The following PARVB variants were observed in gnomAD, a reference collection of about 807,000 sequenced individuals.
The protein encoded by PARVB is parvin beta.
PARVB carries 46 observed loss-of-function variants against 47.0 expected under a neutral mutation model. That is an observed-to-expected ratio of 0.98 (90% CI 0.77 to 1.25). The LOEUF (loss-of-function observed/expected upper bound fraction) is 1.25, where lower values mean the gene tolerates loss of function less well. Ranked by LOEUF, PARVB falls within the 50% of genes most tolerant of loss-of-function variation. PARVB has a pLI of 0.00. For synonymous variants in PARVB, 196 were observed against 196.3 expected (o/e 1.00, Z 0.01); for missense variants, 473 against 471.6 (o/e 1.00, Z -0.03).
At position 44,100,964 on chromosome 22, in the gene PARVB, G is replaced by A. The variant is rs115920571; in HGVS notation, c.273+841G>A. 4.3e-3 allele frequency among the ~76,000 whole-genome samples: 652 copies of A among 152,280 alleles called. 6 individuals are homozygous for A. The highest frequency in any genetic ancestry group is 0.015 in the African/African-American group (626 of 41,544). On this transcript the variant is annotated intron_variant, in intron 3 of 12. Coordinates refer to ENST00000338758, the MANE Select transcript of PARVB (RefSeq NM_013327.5). Reference sequence around the variant, plus strand: ...GAAAATGCCGATGGTGACAGTGTCTGCCAGAAACAGACATTTTTCTATTAA... The same window carrying A: ...GAAAATGCCGATGGTGACAGTGTCTACCAGAAACAGACATTTTTCTATTAA...
intron 9 of PARVB, 65 bp downstream of exon 9, chr22:44,147,987 G>T: frequency 5.8e-6 from 7 of 1,216,782 alleles, no homozygotes; most frequent in Non-Finnish European, 8.5e-6. Context: ...CAGCACAAAC[G>T]CCCCGCTGGG....
chr22:44,135,761 G>T (rs1329100820), intron 6 of PARVB, among the ~76,000 whole-genome samples: 1 of 152,210 alleles, frequency 6.6e-6, no homozygotes, highest in African/African-American at 2.4e-5. Flanking sequence ...TCCTCTAGGG[G>T]AGGGGTCTTC....
chr22:44,085,788 C>T lies in PARVB; in HGVS notation c.113-8140C>T, dbSNP rs2052011203. On this transcript the variant is annotated intron_variant, in intron 1 of 12. Transcript: ENST00000338758. The stretch of plus-strand genomic sequence containing the variant: ...CTCCACGGTGCAAGGGCAGGGCCTG[C>T]CCAGCCCCATGCCCAGCCCTTTGGC... Among the ~76,000 whole-genome samples, 3 of 152,312 alleles carry T rather than the reference C, an allele frequency of 2.0e-5. No homozygotes were observed. The South Asian group carries it at 6.2e-4, about 32-fold the overall frequency.
intron 2 of PARVB, chr22:43,999,741 C>A: frequency 8.8e-7 from 1 of 1,138,350 alleles, no homozygotes; most frequent in Non-Finnish European, 1.3e-6. Flanking sequence ...TGCCTGTAAC[C>A]CTAGCACTTT....
chr22:44,051,183 G>A (rs1275654127), intron 1 of PARVB, among the ~76,000 whole-genome samples: 4 of 152,230 alleles, frequency 2.6e-5, no homozygotes, highest in Admixed American at 2.0e-4. Context: ...CGTGGAAAAG[G>A]TCTCATTTGA....
At chr22:44,018,504 A>G (rs556993430) in intron 2 of PARVB, among the ~76,000 whole-genome samples, 265 of 152,180 alleles carry the variant, frequency 1.7e-3, no homozygotes, top group South Asian at 7.7e-3. Context: ...ACCCTCTGAG[A>G]TCTTCCACCC....
Position 44,171,575 on chromosome 22 carries a change from C to G in PARVB, c.*2897C>G, listed in dbSNP as rs2054269739. On this transcript the variant is annotated 3_prime_UTR_variant, in exon 13 of 13. Transcript: ENST00000338758. ...CCAAAATGAGCAGCCCTGGCCCATT[C>G]TGTGTCATCAGAGGGGAGAGGACGG... 6.6e-6 allele frequency: 1 copy of G among 152,096 alleles called. No homozygotes were observed. 9.4% of individuals were successfully genotyped at this position (152,096 alleles called of 1,614,324 possible).
intron 1 of PARVB, among the ~76,000 whole-genome samples, chr22:44,035,473 C>G (rs564650223): frequency 2.7e-4 from 40 of 149,486 alleles, no homozygotes; most frequent in African/African-American, 9.9e-4. Flanking sequence ...TGGGTTCAAG[C>G]GATTCTCCTG....
intron 12 of PARVB, among the ~76,000 whole-genome samples, chr22:44,167,363 G>A (rs751704307): frequency 2.0e-4 from 31 of 152,172 alleles, no homozygotes; most frequent in Non-Finnish European, 4.1e-4. Context: ...TGGTTAGCAG[G>A]TCTGGCAGGG....
intron 9 of PARVB, 118 bp from the exon 10 acceptor site, chr22:44,151,365 A>G: frequency 2.7e-6 from 2 of 741,154 alleles, no homozygotes; most frequent in Non-Finnish European, 4.8e-6. Flanking sequence ...ATTTTAGCAA[A>G]CAGGAGATGA....
chr22:44,052,267 A>G (rs1222714855), intron 1 of PARVB, among the ~76,000 whole-genome samples: 1 of 152,148 alleles, frequency 6.6e-6, no homozygotes. Context: ...GTGCAACATG[A>G]GAGTCCGTCA....
Position 44,119,116 on chromosome 22 carries a change from G to T in PARVB, c.352G>T (p.Gly118Cys). The T allele has an allele frequency of 6.2e-7, 1 of 1,613,386 alleles. No homozygotes were observed. Among genetic ancestry groups the T allele is most frequent in the Non-Finnish European group, 8.5e-7 (1 of 1,179,358 alleles). Residue 118 changes from glycine to cysteine, a missense_variant, in exon 4 of 13, where the codon GGC becomes TGC. Coordinates refer to ENST00000338758, the MANE Select transcript of PARVB (RefSeq NM_013327.5). The part of the protein sequence containing the change: ...VKQLEEDLYD[G>C]QVLQKLLEKL... ...GCAGCTGGAGGAAGACCTGTATGAC[G>T]GCCAGGTGCTGCAGAAGCTCTTGGG... is the stretch of plus-strand genomic sequence containing the variant.
intron 1 of PARVB, among the ~76,000 whole-genome samples, chr22:44,086,482 G>T (rs2052027465): frequency 6.6e-6 from 1 of 152,258 alleles, no homozygotes; most frequent in Middle Eastern, 3.4e-3. Context: ...CCTGGGGAGG[G>T]CCAGGCCTCA....
At chr22:44,064,438 G>A (rs2051480344) in intron 1 of PARVB, among the ~76,000 whole-genome samples, 1 of 152,170 alleles carries the variant, frequency 6.6e-6, no homozygotes, top group South Asian at 2.1e-4. Flanking sequence ...CAGAGGCTGG[G>A]GTCAGTGTTC....
chr22:44,152,630 A>G (rs999324778), intron 10 of PARVB: 2 of 152,042 alleles, frequency 1.3e-5, no homozygotes, highest in Non-Finnish European at 2.9e-5. Flanking sequence ...TGTACAACAC[A>G]TTTCTTCTGC....
At chr22:44,033,299 C>T (rs1249744676) in intron 1 of PARVB, among the ~76,000 whole-genome samples, 1 of 152,210 alleles carries the variant, frequency 6.6e-6, no homozygotes, top group African/African-American at 2.4e-5. Context: ...ACCTCGGCCT[C>T]CCAAAGTGCT....
chr22:44,000,640 T>C (rs943064569), intron 2 of PARVB, among the ~76,000 whole-genome samples: 2 of 152,244 alleles, frequency 1.3e-5, no homozygotes, highest in Non-Finnish European at 2.9e-5. Flanking sequence ...AAAATGTGTT[T>C]TCACATAGAT....
chr22:44,009,747 T>C (rs1190920453), intron 2 of PARVB, among the ~76,000 whole-genome samples: 1 of 151,554 alleles, frequency 6.6e-6, no homozygotes, highest in Non-Finnish European at 1.5e-5. Context: ...ATTATATATG[T>C]AAAAACCTAT....
intron 1 of PARVB, chr22:44,086,886 A>C (rs2052036491): frequency 1.1e-6 from 1 of 945,324 alleles, no homozygotes; most frequent in Admixed American, 6.2e-5. Flanking sequence ...GGAAAACCTC[A>C]TTTAACAGAG....
Sources: gnomAD v4.1 joint callset for allele counts (sites outside exome capture counted in the v4.1 genomes callset) on GRCh38, gnomAD v4.1.1 for gene constraint, MANE v1.5 for transcripts, NCBI Gene and HGNC (gene_info 2026-07-23, HGNC 2026-07-21) for gene names.